The following BUD31 variants were observed in gnomAD, a reference collection of about 807,000 sequenced individuals.
BUD31 encodes BUD31 spliceosome associated protein, also known as protein BUD31 homolog.
Under a neutral mutation model 17.9 loss-of-function variants are expected in BUD31, and 9 were observed. That is an observed-to-expected ratio of 0.50 (90% CI 0.30 to 0.88). The LOEUF is 0.88. BUD31 is among the 40% of genes least tolerant of loss of function. The pLI is 0.06. For synonymous variants in BUD31, 70 were observed against 64.7 expected (o/e 1.08, Z -0.39); for missense variants, 148 against 184.5 (o/e 0.80, Z 1.15).
rs1454085976 is a variant in BUD31, at chr7:99,419,503, T to C, written c.*62T>C. 3 of 1,590,704 alleles carry C rather than the reference T, an allele frequency of 1.9e-6. No homozygotes were observed. The African/African-American group carries it at 4.0e-5, about 21-fold the overall frequency. ...GGTTCCTGCCTGTCACGCCACCCCC[T>C]TCCTGGGAGCAGCGAGCAGTGCCCC... On this transcript the variant is annotated 3_prime_UTR_variant, in exon 6 of 6. Coordinates refer to ENST00000222969, the MANE Select transcript of BUD31 (RefSeq NM_003910.4).
rs773936765 is a variant in BUD31 at position 99,417,444 on chromosome 7, G to C, written c.233G>C (p.Cys78Ser). The change falls in exon 5 of 6, where the codon TGT becomes TCT. Residue 78 changes from cysteine to serine, a missense_variant. Coordinates refer to ENST00000222969, the MANE Select transcript of BUD31 (RefSeq NM_003910.4). ...KAISRELYEY[C>S]IKEGYADKNL... ...TTTTTGACAGAACTCTATGAATATTGTATTAAAGAAGGCTATGCAGACAAA... is the reference window on the plus strand; with the variant it reads ...TTTTTGACAGAACTCTATGAATATTCTATTAAAGAAGGCTATGCAGACAAA... 1 of 1,613,928 alleles carries C rather than the reference G, an allele frequency of 6.2e-7. No homozygotes were observed. The highest frequency in any genetic ancestry group is 1.3e-5 in the African/African-American group (1 of 75,028).
Position 99,419,462 on chromosome 7 carries a change from G to A in BUD31, c.*21G>A. 1 of 1,609,400 alleles carries A rather than the reference G, an allele frequency of 6.2e-7. No individual in the cohort carries two copies. The highest frequency in any genetic ancestry group is 1.1e-5 in the South Asian group (1 of 91,072). Reference sequence around the variant, plus strand: ...GCTGAGGCTGGCGCGCTCCACCCTGGACTCTGGACTTCGCAGGTTCCTGCC... The same window carrying A: ...GCTGAGGCTGGCGCGCTCCACCCTGAACTCTGGACTTCGCAGGTTCCTGCC... On this transcript the variant is annotated 3_prime_UTR_variant, in exon 6 of 6. Transcript: ENST00000222969.
intron 5 of BUD31, 145 bp downstream of exon 5, chr7:99,417,740 C>G: frequency 6.5e-7 from 1 of 1,535,348 alleles, no homozygotes; most frequent in Non-Finnish European, 8.7e-7. Flanking sequence ...GGGAGTGGGT[C>G]CCTGTATTCA....
intron 3 of BUD31, among the ~76,000 whole-genome samples, chr7:99,413,432 C>T (rs1302020491): frequency 1.3e-5 from 2 of 152,188 alleles, no homozygotes; most frequent in African/African-American, 4.8e-5. Context: ...AGCTTTTCCT[C>T]AGCCCTAAAG....
chr7:99,419,219 C>T (rs1795682568), intron 5 of BUD31, 172 bp from the exon 6 acceptor site: 2 of 658,270 alleles, frequency 3.0e-6, no homozygotes, highest in African/African-American at 1.8e-5. Context: ...GCTGGTTCTA[C>T]CTTCATGAGG....
At chr7:99,410,965 C>G (rs368536260) in intron 2 of BUD31, 99 bp from the exon 3 acceptor site, 1 of 727,610 alleles carries the variant, frequency 1.4e-6, no homozygotes, top group African/African-American at 1.7e-5. Flanking sequence ...TAGCTGTGAC[C>G]CTATGCTGAC....
At chr7:99,412,146 G>A (rs372492249) in intron 3 of BUD31, among the ~76,000 whole-genome samples, 7 of 152,184 alleles carry the variant, frequency 4.6e-5, no homozygotes, top group East Asian at 1.9e-4. Context: ...AAAACTGTTC[G>A]TACCAGATAA....
chr7:99,417,658 A>G, intron 5 of BUD31, 63 bp downstream of exon 5: 2 of 1,594,184 alleles, frequency 1.3e-6, no homozygotes, highest in Non-Finnish European at 1.7e-6. Flanking sequence ...AGTCGACTGC[A>G]AGGGATCTTA....
intron 3 of BUD31, 80 bp from the exon 4 acceptor site, chr7:99,416,058 T>C: frequency 6.4e-7 from 1 of 1,571,624 alleles, no homozygotes; most frequent in Non-Finnish European, 8.7e-7. Context: ...TATTTATTCA[T>C]TATCAGTAGT....
At chr7:99,410,952 C>A in intron 2 of BUD31, 112 bp from the exon 3 acceptor site, 1 of 668,776 alleles carries the variant, frequency 1.5e-6, no homozygotes, top group Non-Finnish European at 2.6e-6. Flanking sequence ...GAGCCCTGTC[C>A]CATAGCTGTG....
At chr7:99,417,279 C>G (rs1795546799) in intron 4 of BUD31, 150 bp from the exon 5 acceptor site, 1 of 709,164 alleles carries the variant, frequency 1.4e-6, no homozygotes, top group Admixed American at 2.5e-5. Context: ...TCCTGAACTC[C>G]TGACCTCAGG....
chr7:99,419,329 T>G, intron 5 of BUD31, 62 bp from the exon 6 acceptor site: 4 of 1,588,934 alleles, frequency 2.5e-6, no homozygotes, highest in Non-Finnish European at 3.4e-6. Flanking sequence ...TTGCCACATA[T>G]GTGAGTGTGC....
chr7:99,417,363 T>C (rs1215872312), intron 4 of BUD31, 66 bp from the exon 5 acceptor site: 14 of 1,561,178 alleles, frequency 9.0e-6, no homozygotes, highest in Non-Finnish European at 1.1e-5. Context: ...TGAATGCTTT[T>C]TTTGATCAAG....
In BUD31 at chr7:99,417,437, G is replaced by T. The variant is rs769510144; in HGVS notation, c.226G>T (p.Glu76Ter). The T allele has an allele frequency of 1.2e-6, 2 of 1,613,916 alleles. No homozygotes were observed. The highest frequency in any genetic ancestry group is 1.7e-6 in the Non-Finnish European group (2 of 1,179,928). ...CCCCATCTTTTTGACAGAACTCTATGAATATTGTATTAAAGAAGGCTATGC... is the reference window on the plus strand; with the variant it reads ...CCCCATCTTTTTGACAGAACTCTATTAATATTGTATTAAAGAAGGCTATGC... Reference protein sequence around the residue: ...KRKAISRELYEYCIKEGYADK... With the variant: ...KRKAISRELY The change falls in exon 5 of 6, where the codon GAA (glutamate) becomes TAA (stop). Residue 76 changes from glutamate (E) to a stop codon, truncating the protein, a stop_gained. Coordinates refer to ENST00000222969, the MANE Select transcript of BUD31 (RefSeq NM_003910.4). LOFTEE classifies it high-confidence loss of function.
At chr7:99,417,872 A>G (rs1196346485) in intron 5 of BUD31, 1 of 1,381,488 alleles carries the variant, frequency 7.2e-7, no homozygotes, top group Non-Finnish European at 9.4e-7. Context: ...GGGGAGCCCT[A>G]ATCCCAAGGT....
intron 3 of BUD31, 112 bp from the exon 4 acceptor site, chr7:99,416,026 C>T (rs1367347950): frequency 1.4e-6 from 2 of 1,445,694 alleles, no homozygotes; most frequent in Non-Finnish European, 1.9e-6. Flanking sequence ...CACCCACAGC[C>T]ATCCTAGTGG....
chr7:99,417,769 C>T (rs755808989), intron 5 of BUD31, 174 bp downstream of exon 5: 13 of 1,531,030 alleles, frequency 8.5e-6, no homozygotes, highest in South Asian at 2.4e-5. Flanking sequence ...TGTGAGGCAG[C>T]GTGTGGCTGT....
rs1200026036 is a variant in BUD31 at position 99,416,113 on chromosome 7, A to G, written c.95-25A>G. 6 of 1,611,936 alleles carry G rather than the reference A, an allele frequency of 3.7e-6. No individual in the cohort carries two copies. The African/African-American group carries it at 8.0e-5, about 22-fold the overall frequency. ...CTGCGCAGACCGACCCTATTCCCCCAAACACACTCTTTGTTTCTCCCCAGC... is the reference window on the plus strand; with the variant it reads ...CTGCGCAGACCGACCCTATTCCCCCGAACACACTCTTTGTTTCTCCCCAGC... On this transcript the variant is annotated intron_variant, in intron 3 of 5. Coordinates refer to ENST00000222969, the MANE Select transcript of BUD31 (RefSeq NM_003910.4).
intron 3 of BUD31, among the ~76,000 whole-genome samples, chr7:99,415,643 G>GCTA (rs1795397287): frequency 6.6e-6 from 1 of 152,046 alleles, no homozygotes; most frequent in Admixed American, 6.6e-5. Flanking sequence ...TGACACTAAC[G>GCTA]CTACTGCTAG....
Sources: allele counts gnomAD v4.1 joint callset (sites outside exome capture counted in the v4.1 genomes callset), GRCh38; gene constraint gnomAD v4.1.1; transcripts MANE v1.5; gene names NCBI Gene and HGNC (gene_info 2026-07-23, HGNC 2026-07-21).